The following ABCB5 variants were observed in gnomAD, a reference collection of about 807,000 sequenced individuals.
ABCB5 encodes ATP-binding cassette sub-family B member 5.
A neutral mutation model predicts 144.2 loss-of-function variants in ABCB5; 155 were observed. The observed-to-expected ratio is 1.08, with a 90% CI of 0.94 to 1.23. ABCB5 has a LOEUF of 1.23. Ranked by LOEUF, ABCB5 falls within the 50% of genes most tolerant of loss-of-function variation. ABCB5 has a pLI of 0.00. For missense variants in ABCB5, 1,830 were observed against 1,520.8 expected (o/e 1.20, Z -3.38); for synonymous variants, 610 against 528.6 (o/e 1.15, Z -2.11).
intron 15 of ABCB5, among the ~76,000 whole-genome samples, chr7:20,684,095 A>C (rs1672421065): frequency 6.6e-6 from 1 of 152,216 alleles, no homozygotes; most frequent in East Asian, 1.9e-4. Context: ...AATCATGTGA[A>C]GTACTTAGAA....
intron 14 of ABCB5, chr7:20,666,928 T>G (rs1785216657): frequency 7.4e-6 from 9 of 1,215,998 alleles, no homozygotes; most frequent in Middle Eastern, 2.0e-4. Context: ...AGGCTTTGGC[T>G]GCCAAAATCT....
Position 20,632,096 on chromosome 7 carries a change from G to A in ABCB5, c.297G>A (p.Leu99=). 6.5e-7 allele frequency: 1 copy of A among 1,528,236 alleles called. No individual in the cohort carries two copies. 94.7% of individuals were successfully genotyped at this position (1,528,236 alleles called of 1,614,324 possible). Residue 99 remains leucine (L), a synonymous_variant, in exon 5 of 28, where the codon CTG becomes CTA. Transcript: ENST00000404938. ...YQNCTQSQEK[L]NEDMTLLTLY... is the part of the protein sequence containing the mutation. Reference sequence around the variant, plus strand: ...ACTGTACTCAGTCTCAAGAGAAGCTGAATGAAGATATGACTCTGTAAGTCC... The same window carrying A: ...ACTGTACTCAGTCTCAAGAGAAGCTAAATGAAGATATGACTCTGTAAGTCC...
intron 19 of ABCB5, among the ~76,000 whole-genome samples, chr7:20,702,655 ATTTTT>A: frequency 8.5e-6 from 1 of 117,136 alleles, no homozygotes; most frequent in African/African-American, 3.4e-5. Flanking sequence ...CATATAATGG[ATTTTT>A]TTTTTTTTTT....
In ABCB5 at chr7:20,698,548, A is replaced by C. The variant is rs1439018556; in HGVS notation, c.2152A>C (p.Thr718Pro). 6.3e-7 allele frequency: 1 copy of C among 1,588,448 alleles called. No individual in the cohort carries two copies. Among genetic ancestry groups the C allele is most frequent in the South Asian group, 1.2e-5 (1 of 84,742 alleles). Residue 718 changes from threonine to proline, a missense_variant and splice_region_variant, in exon 17 of 28, where the codon ACC (threonine) becomes CCC (proline). Thr to Pro is a conservative substitution (Grantham distance 38). Coordinates refer to ENST00000404938, the MANE Select transcript of ABCB5 (RefSeq NM_001163941.2). ...TTCCATCATCTTTGCAAAAATTATA[A>C]CCGTAAGTAAAATAAATTTGCTAAT... ...VFSIIFAKII[T>P]MFGNNDKTTL...
intron 1 of ABCB5, among the ~76,000 whole-genome samples, chr7:20,616,324 C>T (rs1783684213): frequency 6.6e-6 from 1 of 152,256 alleles, no homozygotes; most frequent in African/African-American, 2.4e-5. Context: ...GCATGAGCCA[C>T]TGCGCCCAGC....
chr7:20,679,105 GA>G (rs1001501329), intron 14 of ABCB5, among the ~76,000 whole-genome samples: 18 of 151,754 alleles, frequency 1.2e-4, no homozygotes, highest in Non-Finnish European at 2.4e-4. Context: ...AATTGTAAAA[GA>G]AAAAAAATTG....
intron 14 of ABCB5, among the ~76,000 whole-genome samples, chr7:20,661,240 C>A (rs1198467586): frequency 6.6e-6 from 1 of 152,258 alleles, no homozygotes; most frequent in Non-Finnish European, 1.5e-5. Context: ...CCTTCTGGAA[C>A]TTCCCTTCCT....
chr7:20,616,525 G>T (rs1173745042), intron 1 of ABCB5, among the ~76,000 whole-genome samples: 3 of 152,272 alleles, frequency 2.0e-5, no homozygotes, highest in South Asian at 2.1e-4. Context: ...TAAGGCAAAA[G>T]TCCTTATAAA....
At chr7:20,642,291 A>ATT (rs1562533529) in intron 5 of ABCB5, among the ~76,000 whole-genome samples, 7 of 152,242 alleles carry the variant, frequency 4.6e-5, no homozygotes, top group Non-Finnish European at 1.0e-4. Flanking sequence ...GTGCTAAACA[A>ATT]CTTTTTTCTG....
At chr7:20,726,246 T>C (rs1399975347) in intron 21 of ABCB5, among the ~76,000 whole-genome samples, 1 of 152,168 alleles carries the variant, frequency 6.6e-6, no homozygotes, top group African/African-American at 2.4e-5. Flanking sequence ...ATAAAGAATT[T>C]TATAACCACA....
intron 1 of ABCB5, among the ~76,000 whole-genome samples, chr7:20,617,862 G>A (rs1477406724): frequency 6.6e-6 from 1 of 152,016 alleles, no homozygotes; most frequent in African/African-American, 2.4e-5. Flanking sequence ...CCTTTTATAA[G>A]AGACAACAAA....
At position 20,730,308 on chromosome 7, in the gene ABCB5, G is replaced by A. The variant is rs10262448; in HGVS notation, c.2867+1853G>A. On this transcript the variant is annotated intron_variant, in intron 23 of 27. Transcript: ENST00000404938. The stretch of plus-strand genomic sequence containing the variant: ...GTGGATCACCAAAGGTCAGGATTTC[G>A]AGACCAGCCTGGACAACCTGTGAAA... 4.2e-3 allele frequency among the ~76,000 whole-genome samples: 632 copies of A among 152,278 alleles called. 6 individuals are homozygous for A. Among genetic ancestry groups the A allele is most frequent in the African/African-American group, 0.014 (600 of 41,574 alleles).
intron 20 of ABCB5, among the ~76,000 whole-genome samples, chr7:20,716,601 C>T (rs1781681635): frequency 6.6e-6 from 1 of 151,998 alleles, no homozygotes; most frequent in African/African-American, 2.4e-5. Context: ...TTCATGGACA[C>T]ACTTATATGC....
At chr7:20,667,339 T>G (rs1785234122) in intron 14 of ABCB5, 1 of 984,714 alleles carries the variant, frequency 1.0e-6, no homozygotes, top group African/African-American at 1.7e-5. Flanking sequence ...GTGAAGTGAA[T>G]CCCCTGTGAA....
At chr7:20,718,388 G>T (rs1205693004) in intron 20 of ABCB5, among the ~76,000 whole-genome samples, 1 of 152,220 alleles carries the variant, frequency 6.6e-6, no homozygotes, top group Non-Finnish European at 1.5e-5. Flanking sequence ...TAGGCCCATG[G>T]TTCTTAGAGT....
At chr7:20,635,976 T>G (rs1036589719) in intron 5 of ABCB5, among the ~76,000 whole-genome samples, 9 of 152,194 alleles carry the variant, frequency 5.9e-5, no homozygotes, top group African/African-American at 1.9e-4. Flanking sequence ...CTCAATCACA[T>G]GTCAAGCATT....
rs1159895748 is a variant in ABCB5, at chr7:20,728,404, T to A, written c.2816T>A (p.Phe939Tyr). ...IYFAYAAGFR[F>Y]GAYLIQAGRM... ...TTTGCCTATGCGGCAGGGTTTCGAT[T>A]TGGAGCCTATTTAATTCAAGCTGGA... The change falls in exon 23 of 28, where the codon TTT becomes TAT. Residue 939 changes from phenylalanine (F) to tyrosine (Y), a missense_variant. Physicochemically the swap from Phe to Tyr is conservative, Grantham distance 22 (BLOSUM62 3). Transcript: ENST00000404938. 1.2e-6 allele frequency: 2 copies of A among 1,614,054 alleles called. No individual in the cohort carries two copies. The highest frequency in any genetic ancestry group is 2.7e-5 in the African/African-American group (2 of 74,942).
chr7:20,734,081 A>G (rs1017397716), intron 23 of ABCB5, among the ~76,000 whole-genome samples: 1 of 152,186 alleles, frequency 6.6e-6, no homozygotes, highest in East Asian at 1.9e-4. Context: ...ACATAGCACT[A>G]TGCATAATGT....
At position 20,626,626 on chromosome 7, in the gene ABCB5, T is replaced by C; in HGVS notation, c.108+15T>C. 6.3e-7 allele frequency: 1 copy of C among 1,595,164 alleles called. No individual in the cohort carries two copies. The highest frequency in any genetic ancestry group is 8.5e-7 in the Non-Finnish European group (1 of 1,170,424). Reference sequence around the variant, plus strand: ...CTATTGAGATAGTAAGTGAAATCAGTTAGAAAGTACATGCATTAGAAGATT... The same window carrying C: ...CTATTGAGATAGTAAGTGAAATCAGCTAGAAAGTACATGCATTAGAAGATT... On this transcript the variant is annotated intron_variant, in intron 3 of 27. Transcript: ENST00000404938.
Sources: allele counts gnomAD v4.1 joint callset (sites outside exome capture counted in the v4.1 genomes callset), GRCh38; gene constraint gnomAD v4.1.1; transcripts MANE v1.5; gene names NCBI Gene and HGNC (gene_info 2026-07-23, HGNC 2026-07-21).